LARGE1: variants seen among roughly 807,000 people sequenced by gnomAD.
LARGE1 encodes xylosyl- and glucuronyltransferase LARGE1.
A neutral mutation model predicts 87.6 loss-of-function variants in LARGE1; 43 were observed. The ratio of observed to expected loss-of-function variants is 0.49; its 90% confidence interval spans 0.38 to 0.63. The LOEUF is 0.63. LARGE1 is among the 30% of genes least tolerant of loss of function. The pLI is 0.00. For synonymous variants in LARGE1, 434 were observed against 394.6 expected (o/e 1.10, Z -1.18); for missense variants, 802 against 1,000.2 (o/e 0.80, Z 2.67).
chr22:33,761,314 G>A, intron 2 of LARGE1, 57 bp downstream of exon 2: 1 of 1,318,438 alleles, frequency 7.6e-7, no homozygotes. Context: ...AGGGTTCTAT[G>A]ACAGCTAATG....
intron 3 of LARGE1, among the ~76,000 whole-genome samples, chr22:33,644,006 C>T (rs2080526834): frequency 6.6e-6 from 1 of 152,194 alleles, no homozygotes; most frequent in African/African-American, 2.4e-5. Context: ...GGTGCCATTC[C>T]TTCTGAAACT....
At chr22:33,179,095 C>A (rs906770827) in intron 11 of LARGE1, among the ~76,000 whole-genome samples, 1 of 152,108 alleles carries the variant, frequency 6.6e-6, no homozygotes, top group Admixed American at 6.6e-5. Context: ...ATCATGGGGG[C>A]CCCACCCTGA....
At chr22:33,655,970 C>T (rs558214702) in intron 2 of LARGE1, among the ~76,000 whole-genome samples, 3 of 152,230 alleles carry the variant, frequency 2.0e-5, no homozygotes, top group Admixed American at 2.0e-4. Context: ...GGTTCTTCCA[C>T]TTACTAATAA....
intron 10 of LARGE1, among the ~76,000 whole-genome samples, chr22:33,320,519 C>T (rs530202835): frequency 5.3e-5 from 8 of 152,260 alleles, no homozygotes; most frequent in Middle Eastern, 3.4e-3. Context: ...GCAACTTTCC[C>T]GGTGAGACTG....
chr22:33,328,991 T>A (rs1937478594), intron 10 of LARGE1, among the ~76,000 whole-genome samples: 4 of 152,150 alleles, frequency 2.6e-5, no homozygotes. Flanking sequence ...TCTTTCCCTG[T>A]AGAAAATTTC....
At chr22:33,634,741 A>C (rs2080217638) in intron 3 of LARGE1, among the ~76,000 whole-genome samples, 1 of 152,138 alleles carries the variant, frequency 6.6e-6, no homozygotes, top group South Asian at 2.1e-4. Context: ...TGCTGGTTCC[A>C]GTTTGTAATG....
chr22:33,210,390 C>T (rs868534558), intron 11 of LARGE1, among the ~76,000 whole-genome samples: 5 of 152,194 alleles, frequency 3.3e-5, no homozygotes, highest in Admixed American at 1.3e-4. Flanking sequence ...GGCAAGAGAA[C>T]GACACCGGCG....
At chr22:33,432,062 G>T in intron 7 of LARGE1, 99 bp downstream of exon 7, 1 of 913,458 alleles carries the variant, frequency 1.1e-6, no homozygotes, top group Non-Finnish European at 1.8e-6. Context: ...CAATCAGGTG[G>T]CCTCCTCCTG....
chr22:33,552,936 A>T (rs2077572944), intron 6 of LARGE1, among the ~76,000 whole-genome samples: 1 of 152,162 alleles, frequency 6.6e-6, no homozygotes. Flanking sequence ...AGTGCCTGGA[A>T]GCGTGGGGCC....
chr22:33,619,564 AAAAAAAAG>A (rs1324275166), intron 4 of LARGE1, among the ~76,000 whole-genome samples: 1 of 151,616 alleles, frequency 6.6e-6, no homozygotes, highest in East Asian at 1.9e-4. Context: ...CAAAAAAAAA[AAAAAAAAG>A]AAAAAAAGAA....
intron 2 of LARGE1, among the ~76,000 whole-genome samples, chr22:33,718,755 A>T (rs2082987622): frequency 1.3e-5 from 2 of 152,192 alleles, no homozygotes; most frequent in African/African-American, 2.4e-5. Context: ...CAGCTAAAGT[A>T]AAGTGTGTAC....
intron 9 of LARGE1, among the ~76,000 whole-genome samples, chr22:33,339,433 A>G (rs1016332378): frequency 1.2e-4 from 19 of 152,222 alleles, no homozygotes; most frequent in African/African-American, 4.6e-4. Context: ...TGAGAGGCCC[A>G]TGGTCAGCAC....
chr22:33,780,659 T>C (rs1601599576), intron 1 of LARGE1, among the ~76,000 whole-genome samples: 1 of 152,326 alleles, frequency 6.6e-6, no homozygotes, highest in East Asian at 1.9e-4. Flanking sequence ...ATCTCTAACA[T>C]CTAACACACA....
At chr22:33,367,122 A>AT (rs59743659) in intron 9 of LARGE1, among the ~76,000 whole-genome samples, 60 of 149,704 alleles carry the variant, frequency 4.0e-4, no homozygotes, top group East Asian at 7.8e-4. Flanking sequence ...ACAGTATTCT[A>AT]TTTTTTTTTT....
At chr22:33,157,268 A>C (rs1921904151), downstream of LARGE1, among the ~76,000 whole-genome samples, 1 of 152,222 alleles carries the variant, frequency 6.6e-6, no homozygotes, top group African/African-American at 2.4e-5. Context: ...TGAGAGATTA[A>C]CCTTCTGGTC....
chr22:33,675,318 A>AAAAAAAAAAAG (rs56272266), intron 2 of LARGE1, among the ~76,000 whole-genome samples: 1 of 145,792 alleles, frequency 6.9e-6, no homozygotes, highest in Admixed American at 6.8e-5. Context: ...AAAAAAAAAA[A>AAAAAAAAAAAG]GAACACAAGA....
intron 4 of LARGE1, among the ~76,000 whole-genome samples, chr22:33,623,737 A>G (rs1018320265): frequency 8.6e-5 from 13 of 151,952 alleles, no homozygotes; most frequent in Non-Finnish European, 1.3e-4. Context: ...CTAAAGTCTA[A>G]AGAGTTAAAA....
intron 3 of LARGE1, among the ~76,000 whole-genome samples, chr22:33,648,357 T>TC (rs1463537925): frequency 6.6e-6 from 1 of 152,206 alleles, no homozygotes; most frequent in African/African-American, 2.4e-5. Context: ...TGCCTTCTTT[T>TC]CCCCTTTTCC....
At chr22:33,700,660 C>G (rs931120196) in intron 2 of LARGE1, among the ~76,000 whole-genome samples, 17 of 152,120 alleles carry the variant, frequency 1.1e-4, no homozygotes, top group African/African-American at 4.1e-4. Flanking sequence ...CCCTCTCCCC[C>G]AAATGCTGGT....
Sources: allele counts gnomAD v4.1 joint callset (sites outside exome capture counted in the v4.1 genomes callset), GRCh38; gene constraint gnomAD v4.1.1; transcripts MANE v1.5; gene names NCBI Gene and HGNC (gene_info 2026-07-23, HGNC 2026-07-21).